Variants in KIF25 observed in about 807,000 individuals in gnomAD.
The protein encoded by KIF25 is kinesin family member 25, also known as kinesin-like protein KIF25.
KIF25 carries 19 observed loss-of-function variants against 32.9 expected under a neutral mutation model. That is an observed-to-expected ratio of 0.58 (90% confidence interval 0.40 to 0.85). KIF25 has a LOEUF of 0.85. KIF25 is among the 40% of genes least tolerant of loss of function. The pLI is 0.00. For missense variants in KIF25, 485 were observed against 507.0 expected, an observed-to-expected ratio of 0.96 and a Z score of 0.42; for synonymous variants, 225 against 213.7, an observed-to-expected ratio of 1.05 and a Z score of -0.46.
In KIF25 at chr6:168,038,541, G is replaced by A; in HGVS notation, c.318-12G>A. On this transcript the variant is annotated splice_polypyrimidine_tract_variant and intron_variant, in intron 8 of 12. Transcript: ENST00000643607. ...GACTTTCTGTAAGTTTCTCTTGTGT[G>A]TTTTCCCGCAGGCTCATTTTGGAAA... The A allele has an allele frequency of 6.2e-7, 1 of 1,613,586 alleles. No individual in the cohort carries two copies. The highest frequency in any genetic ancestry group is 8.5e-7 in the Non-Finnish European group (1 of 1,179,608).
At chr6:167,999,934 C>T (rs946709551) in intron 2 of KIF25, among the ~76,000 whole-genome samples, 1 of 148,260 alleles carries the variant, frequency 6.7e-6, no homozygotes, top group African/African-American at 2.5e-5. Flanking sequence ...CCACTCCCAT[C>T]CTGACCACAC....
chr6:168,036,530 G>T (rs565610749), intron 8 of KIF25, among the ~76,000 whole-genome samples: 2 of 152,324 alleles, frequency 1.3e-5, no homozygotes, highest in East Asian at 3.9e-4. Flanking sequence ...TAAAGGCTAA[G>T]ACTGCAGCCT....
intron 2 of KIF25, among the ~76,000 whole-genome samples, chr6:167,999,890 TCCCCA>T (rs1798473220): frequency 6.7e-6 from 1 of 150,096 alleles, no homozygotes; most frequent in Non-Finnish European, 1.5e-5. Context: ...CCCCTGGAAA[TCCCCA>T]CTCCCATCCT....
In KIF25 at chr6:168,013,372, T is replaced by A. The variant is rs150790933; in HGVS notation, c.-162-4601T>A. The stretch of plus-strand genomic sequence containing the variant: ...CAGCTGATCCTGGGCCCGGGATCCA[T>A]GCAGCTGGGGTTGTGACGTTCAGCC... On this transcript the variant is annotated intron_variant, in intron 4 of 12. Transcript: ENST00000643607. Among the ~76,000 whole-genome samples, 802 of 152,090 alleles carry A rather than the reference T, an allele frequency of 5.3e-3. 2 individuals are homozygous for A. Among genetic ancestry groups the A allele is most frequent in the Non-Finnish European group, 7.5e-3 (508 of 67,960 alleles).
chr6:168,007,222 C>A (rs776486729), intron 4 of KIF25, among the ~76,000 whole-genome samples: 1 of 152,064 alleles, frequency 6.6e-6, no homozygotes, highest in Non-Finnish European at 1.5e-5. Context: ...ACCAGCCTGG[C>A]CAACATGGTG....
intron 2 of KIF25, among the ~76,000 whole-genome samples, chr6:168,001,122 G>A (rs559856985): frequency 3.3e-5 from 5 of 152,210 alleles, no homozygotes; most frequent in South Asian, 2.1e-4. Flanking sequence ...TGGGCCTGTC[G>A]GATACGTCAG....
At chr6:168,032,363 T>C (rs1330661376) in intron 7 of KIF25, among the ~76,000 whole-genome samples, 1 of 152,264 alleles carries the variant, frequency 6.6e-6, no homozygotes, top group Non-Finnish European at 1.5e-5. Flanking sequence ...AGAACCCGTT[T>C]ATCTGTTGTA....
At chr6:168,035,804 G>T (rs1799016889) in intron 8 of KIF25, 3 of 455,956 alleles carry the variant, frequency 6.6e-6, no homozygotes, top group Admixed American at 4.7e-5. Context: ...GCTCTTCCAA[G>T]TGAGTGGCCC....
At chr6:168,034,509 T>A (rs2114904548) in intron 8 of KIF25, among the ~76,000 whole-genome samples, 1 of 152,300 alleles carries the variant, frequency 6.6e-6, no homozygotes, top group African/African-American at 2.4e-5. Context: ...TCCACTCGCC[T>A]CGGCCTCCCA....
rs1325342532 is a variant in KIF25, at chr6:167,997,741, T to C, written c.-1728T>C. Among the ~76,000 whole-genome samples the C allele has an allele frequency of 6.6e-6, 1 of 151,872 alleles. No homozygotes were observed. Among genetic ancestry groups the C allele is most frequent in the African/African-American group, 2.4e-5 (1 of 41,376 alleles). ...AAATTTAATGTAAAGTCTCAGGGTT[T>C]GATTTTGCAACACGAGGATGCCAAG... On this transcript the variant is annotated 5_prime_UTR_variant, in exon 1 of 13. Transcript: ENST00000643607.
At chr6:168,035,315 C>T (rs1799000753) in intron 8 of KIF25, among the ~76,000 whole-genome samples, 1 of 151,022 alleles carries the variant, frequency 6.6e-6, no homozygotes, top group Admixed American at 6.6e-5. Context: ...TAGAGATGCA[C>T]GATGCACAGC....
In KIF25 at chr6:168,003,646, A is replaced by G. The variant is rs1420447109; in HGVS notation, c.-220A>G. 3 of 152,246 alleles carry G rather than the reference A, an allele frequency of 2.0e-5. No individual in the cohort carries two copies. The highest frequency in any genetic ancestry group is 6.5e-5 in the Admixed American group (1 of 15,288). 9.4% of individuals were successfully genotyped at this position (152,246 alleles called of 1,614,324 possible). A position where few individuals can be genotyped will look rare whatever the true frequency, so the allele number is the denominator to read the frequency against. Reference sequence around the variant, plus strand: ...TCTAGAGAAGCGGCCCATGCTGTTGATGACCTGAGTCTACAAGTTTCCTCA... The same window carrying G: ...TCTAGAGAAGCGGCCCATGCTGTTGGTGACCTGAGTCTACAAGTTTCCTCA... On this transcript the variant is annotated 5_prime_UTR_variant, in exon 4 of 13. It removes an upstream start codon present in the reference 5' UTR. Coordinates refer to ENST00000643607, the MANE Select transcript of KIF25 (RefSeq NM_030615.4).
chr6:168,001,965 T>G (rs556043751), intron 2 of KIF25, among the ~76,000 whole-genome samples: 2,732 of 110,042 alleles, frequency 0.025, 47 homozygotes, highest in African/African-American at 0.091. Flanking sequence ...CGCGGGCAGG[T>G]GAGAAGACAC....
At chr6:168,010,622 G>C (rs886810371) in intron 4 of KIF25, among the ~76,000 whole-genome samples, 1 of 152,130 alleles carries the variant, frequency 6.6e-6, no homozygotes, top group African/African-American at 2.4e-5. Flanking sequence ...TGTTCTGTAA[G>C]TGTCTTCTGG....
chr6:168,037,274 G>A (rs1053430624), intron 8 of KIF25, among the ~76,000 whole-genome samples: 1 of 152,078 alleles, frequency 6.6e-6, no homozygotes, highest in Non-Finnish European at 1.5e-5. Context: ...TTGACTGTTT[G>A]TCATTAGAAG....
Position 168,024,400 on chromosome 6 carries a change from A to G in KIF25, c.-94-5092A>G, listed in dbSNP as rs149654490. On this transcript the variant is annotated intron_variant, in intron 5 of 12. Coordinates refer to ENST00000643607, the MANE Select transcript of KIF25 (RefSeq NM_030615.4). ...TTTGATGACTCAATTATGCAGGGGA[A>G]TAATCTTAGTAAAAACCTCTCTCTT... 1.0e-4 allele frequency among the ~76,000 whole-genome samples: 15 copies of G among 145,564 alleles called. No homozygotes were observed. In the East Asian group the frequency reaches 3.1e-3, roughly 30 times the overall value.
intron 5 of KIF25, among the ~76,000 whole-genome samples, chr6:168,024,087 C>T (rs995602642): frequency 1.1e-4 from 17 of 149,694 alleles, no homozygotes; most frequent in African/African-American, 4.1e-4. Context: ...CTTCCATACA[C>T]GGTGCTGGTG....
intron 7 of KIF25, among the ~76,000 whole-genome samples, chr6:168,031,525 G>A (rs1332621764): frequency 6.6e-6 from 1 of 152,172 alleles, no homozygotes; most frequent in African/African-American, 2.4e-5. Flanking sequence ...ATGATCCAAC[G>A]AGTAGGGTCA....
chr6:168,024,752 TCAAGACCAGC>T (rs1226090761), intron 5 of KIF25, among the ~76,000 whole-genome samples: 1 of 151,126 alleles, frequency 6.6e-6, no homozygotes, highest in Non-Finnish European at 1.5e-5. Context: ...GGTCAGGAGT[TCAAGACCAGC>T]CTGGCTGGCT....
Sources: allele counts gnomAD v4.1 joint callset (sites outside exome capture counted in the v4.1 genomes callset), GRCh38; gene constraint gnomAD v4.1.1; transcripts MANE v1.5; gene names NCBI Gene and HGNC (gene_info 2026-07-23, HGNC 2026-07-21).